TMEM178B: variants seen among roughly 807,000 people sequenced by gnomAD.
TMEM178B encodes the protein transmembrane protein 178B.
A neutral mutation model predicts 31.0 loss-of-function variants in TMEM178B; 5 were observed. The ratio of observed to expected loss-of-function variants is 0.16; its 90% CI spans 0.08 to 0.34. TMEM178B has a LOEUF of 0.34. TMEM178B is among the 10% of genes least tolerant of loss of function. TMEM178B has a pLI of 1.00. For missense variants in TMEM178B, 275 were observed against 400.3 expected (o/e 0.69, Z 2.67); for synonymous variants, 164 against 164.0 (o/e 1.00, Z 0.00).
chr7:141,268,221 G>T (rs1798124524), intron 2 of TMEM178B, among the ~76,000 whole-genome samples: 1 of 152,178 alleles, frequency 6.6e-6, no homozygotes, highest in Non-Finnish European at 1.5e-5. Flanking sequence ...TTTGAAAAAA[G>T]TCCCTGTCAG....
intron 2 of TMEM178B, among the ~76,000 whole-genome samples, chr7:141,359,019 G>A (rs1159087718): frequency 6.6e-6 from 1 of 152,082 alleles, no homozygotes. Flanking sequence ...TTCATAAAAT[G>A]GTTTTGATGA....
At chr7:141,358,804 T>G (rs913698935) in intron 2 of TMEM178B, among the ~76,000 whole-genome samples, 1 of 152,190 alleles carries the variant, frequency 6.6e-6, no homozygotes. Context: ...AAAAGGAATA[T>G]TTTTGTAACT....
In TMEM178B at chr7:141,475,731, G is replaced by T. The variant is rs1586986203; in HGVS notation, c.*4945G>T. ...AGACCTTAGGGGCAGGATGGAGCAG[G>T]GCTAAAAGATGTCTCTTTGGGCCTG... On this transcript the variant is annotated 3_prime_UTR_variant, in exon 4 of 4. Transcript: ENST00000565468. 6.6e-6 allele frequency: 1 copy of T among 152,078 alleles called. No individual in the cohort carries two copies. Among genetic ancestry groups the T allele is most frequent in the African/African-American group, 2.4e-5 (1 of 41,428 alleles). The allele number at this position is 152,078 out of a possible 1,614,324, so 9.4% of individuals were successfully genotyped here.
At chr7:141,325,592 T>C (rs1799175195) in intron 2 of TMEM178B, among the ~76,000 whole-genome samples, 1 of 152,202 alleles carries the variant, frequency 6.6e-6, no homozygotes, top group Non-Finnish European at 1.5e-5. Context: ...TGCTCAAGCC[T>C]ACTGCACTGA....
intron 1 of TMEM178B, among the ~76,000 whole-genome samples, chr7:141,146,677 T>G (rs1795858160): frequency 6.6e-6 from 1 of 152,212 alleles, no homozygotes. Flanking sequence ...ATAGCCTTAT[T>G]GTGTAGCAGC....
chr7:141,220,732 A>G (rs899059558), intron 2 of TMEM178B, among the ~76,000 whole-genome samples: 1 of 152,204 alleles, frequency 6.6e-6, no homozygotes, highest in Non-Finnish European at 1.5e-5. Flanking sequence ...CAGCTTCTGC[A>G]GATTGGAAGT....
intron 2 of TMEM178B, among the ~76,000 whole-genome samples, chr7:141,346,232 C>CAA (rs139337265): frequency 2.0e-5 from 3 of 150,846 alleles, no homozygotes; most frequent in Non-Finnish European, 3.0e-5. Context: ...AACAAACAAA[C>CAA]AAAAAAAACC....
chr7:141,499,689 A>G, the TMEM178B span, among the ~76,000 whole-genome samples: 1 of 152,078 alleles, frequency 6.6e-6, no homozygotes, highest in Non-Finnish European at 1.5e-5. Flanking sequence ...CAAATTTGCC[A>G]GTGACCTTAA....
intron 1 of TMEM178B, among the ~76,000 whole-genome samples, chr7:141,139,585 G>A (rs927134173): frequency 4.6e-5 from 7 of 151,644 alleles, no homozygotes; most frequent in East Asian, 3.9e-4. Flanking sequence ...TCAAGCGATC[G>A]TCTGCCTTGG....
chr7:141,204,136 A>G (rs2129186720), intron 1 of TMEM178B, among the ~76,000 whole-genome samples: 1 of 152,348 alleles, frequency 6.6e-6, no homozygotes, highest in Admixed American at 6.5e-5. Flanking sequence ...TTCCAAAAGT[A>G]GAGCTTGTGA....
At chr7:141,499,168 T>A in the TMEM178B span, among the ~76,000 whole-genome samples, 1 of 152,200 alleles carries the variant, frequency 6.6e-6, no homozygotes, top group African/African-American at 2.4e-5. Context: ...ACAATGTTTT[T>A]AAAATGTCAT....
chr7:141,338,026 AT>A (rs1272730016), intron 2 of TMEM178B, among the ~76,000 whole-genome samples: 4 of 152,140 alleles, frequency 2.6e-5, no homozygotes, highest in African/African-American at 9.7e-5. Context: ...TTTAGTAGAG[AT>A]GGGGTTTCAC....
intron 2 of TMEM178B, among the ~76,000 whole-genome samples, chr7:141,437,215 G>A (rs1801561726): frequency 1.3e-5 from 2 of 152,158 alleles, no homozygotes; most frequent in African/African-American, 4.8e-5. Flanking sequence ...GACAGGTCTG[G>A]GTTCCAGTCT....
intron 1 of TMEM178B, among the ~76,000 whole-genome samples, chr7:141,201,298 G>A (rs928277970): frequency 1.3e-5 from 2 of 152,202 alleles, no homozygotes; most frequent in Admixed American, 6.5e-5. Context: ...CTGGGCACAG[G>A]AGTGACTGTG....
the TMEM178B span, among the ~76,000 whole-genome samples, chr7:141,492,190 C>T: frequency 3.3e-4 from 51 of 152,272 alleles, no homozygotes; most frequent in South Asian, 2.9e-3. Flanking sequence ...CCTGACCTCT[C>T]AATCTCCCCA....
intron 2 of TMEM178B, among the ~76,000 whole-genome samples, chr7:141,428,387 A>AAAAG (rs1554486899): frequency 6.9e-5 from 10 of 143,996 alleles, no homozygotes; most frequent in South Asian, 2.2e-4. Context: ...AAAAAAAAGA[A>AAAAG]AAAAAGAAAA....
intron 1 of TMEM178B, among the ~76,000 whole-genome samples, chr7:141,087,057 C>G (rs1794800539): frequency 6.6e-6 from 1 of 152,126 alleles, no homozygotes; most frequent in East Asian, 1.9e-4. Flanking sequence ...CATGCACATT[C>G]AAGCCACATG....
chr7:141,176,526 A>T (rs1796437241), intron 1 of TMEM178B, among the ~76,000 whole-genome samples: 1 of 152,184 alleles, frequency 6.6e-6, no homozygotes, highest in African/African-American at 2.4e-5. Flanking sequence ...TAGTTTCAGA[A>T]GGAATGGTAC....
intron 1 of TMEM178B, among the ~76,000 whole-genome samples, chr7:141,126,830 C>A (rs1210940503): frequency 6.6e-6 from 1 of 151,718 alleles, no homozygotes; most frequent in Non-Finnish European, 1.5e-5. Flanking sequence ...CCGAAACTAA[C>A]CATCTCCTCT....
Sources: gnomAD v4.1 joint callset for allele counts (sites outside exome capture counted in the v4.1 genomes callset) on GRCh38, gnomAD v4.1.1 for gene constraint, MANE v1.5 for transcripts, NCBI Gene and HGNC (gene_info 2026-07-23, HGNC 2026-07-21) for gene names.